Variants in COL4A4 observed in about 807,000 individuals in gnomAD.
COL4A4 encodes collagen alpha-4(IV) chain.
Under a neutral mutation model 192.9 loss-of-function variants are expected in COL4A4, and 105 were observed. The observed-to-expected ratio is 0.54, with a 90% CI of 0.46 to 0.64. The LOEUF (loss-of-function observed/expected upper bound fraction) is 0.64, where lower values mean the gene tolerates loss of function less well. COL4A4 is among the 30% of genes least tolerant of loss of function. The probability of loss-of-function intolerance (pLI) is 0.00; values close to 1 mark genes in which losing one functional copy is unlikely to be tolerated. For missense variants in COL4A4, 1,967 were observed against 2,169.3 expected, an observed-to-expected ratio of 0.91 and a Z score of 1.85; for synonymous variants, 762 against 769.9, an observed-to-expected ratio of 0.99 and a Z score of 0.17.
intron 12 of COL4A4, among the ~76,000 whole-genome samples, chr2:227,105,789 T>C (rs2060804799): frequency 6.6e-6 from 1 of 152,218 alleles, no homozygotes; most frequent in Non-Finnish European, 1.5e-5. Context: ...AGGCCCTTAC[T>C]GGCTCTGTCA....
chr2:227,061,279 C>G (rs1383629852), intron 26 of COL4A4, among the ~76,000 whole-genome samples: 1 of 152,250 alleles, frequency 6.6e-6, no homozygotes, highest in African/African-American at 2.4e-5. Context: ...TATTTCCGCA[C>G]TCTTGCCATT....
Position 227,148,437 on chromosome 2 carries a change from G to A in COL4A4, c.-101-853C>T, listed in dbSNP as rs910058474. On this transcript the variant is annotated intron_variant, in intron 1 of 47. Coordinates refer to ENST00000396625, the MANE Select transcript of COL4A4 (RefSeq NM_000092.5). ...CTATGTATATAAAAAGTCCAGAATA[G>A]GAAATCCATACAGATAGATAGGCAA... 1.1e-4 allele frequency among the ~76,000 whole-genome samples: 17 copies of A among 152,280 alleles called. 1 individual carries two copies. Among genetic ancestry groups the A allele is most frequent in the Admixed American group, 7.2e-4 (11 of 15,294 alleles).
chr2:227,143,589 A>G (rs2063359977), intron 3 of COL4A4, among the ~76,000 whole-genome samples: 1 of 152,236 alleles, frequency 6.6e-6, no homozygotes, highest in South Asian at 2.1e-4. Flanking sequence ...TTTTAAAAAA[A>G]GTAAAATCTA....
Position 227,111,514 on chromosome 2 carries a change from C to A in COL4A4, c.594+164G>T, listed in dbSNP as rs4306711. ...GGCCCCATGCTTCATGTTCTGTGGT[C>A]GCCATCTTGAAATGCTTAATAATTT... On this transcript the variant is annotated intron_variant, in intron 9 of 47. Coordinates refer to ENST00000396625, the MANE Select transcript of COL4A4 (RefSeq NM_000092.5). Among the ~76,000 whole-genome samples the A allele has an allele frequency of 0.19, 28,752 of 151,920 alleles. 4,279 individuals carry two copies. Among genetic ancestry groups the A allele is most frequent in the African/African-American group, 0.41 (16,812 of 41,318 alleles).
intron 25 of COL4A4, among the ~76,000 whole-genome samples, chr2:227,072,252 C>T (rs538862396): frequency 6.6e-6 from 1 of 151,898 alleles, no homozygotes; most frequent in African/African-American, 2.4e-5. Context: ...TACAAAAGAC[C>T]ATTCAAGACT....
chr2:226,990,743 G>A, the COL4A4 span, among the ~76,000 whole-genome samples: 1 of 152,126 alleles, frequency 6.6e-6, no homozygotes, highest in South Asian at 2.1e-4. Context: ...CTTACTACTG[G>A]TGCTGTAATT....
chr2:227,103,208 C>A lies in COL4A4; in HGVS notation c.817-11G>T. ...AATTCCTTTTATACCCTAAAAATTACAATGAATATAATTTGGTCTATTCTT... is the reference window on the plus strand; with the variant it reads ...AATTCCTTTTATACCCTAAAAATTAAAATGAATATAATTTGGTCTATTCTT... On this transcript the variant is annotated splice_polypyrimidine_tract_variant and intron_variant, in intron 13 of 47. Transcript: ENST00000396625. 4 of 1,604,538 alleles carry A rather than the reference C, an allele frequency of 2.5e-6. No individual in the cohort carries two copies. The highest frequency in any genetic ancestry group is 3.4e-6 in the Non-Finnish European group (4 of 1,172,270).
chr2:227,061,994 C>T (rs1977174952), intron 26 of COL4A4, among the ~76,000 whole-genome samples: 1 of 152,138 alleles, frequency 6.6e-6, no homozygotes, highest in South Asian at 2.1e-4. Flanking sequence ...AATCCCAGCA[C>T]TTTGGGAGGC....
chr2:227,109,121 T>C, intron 10 of COL4A4, 103 bp downstream of exon 10: 1 of 1,115,784 alleles, frequency 9.0e-7, no homozygotes, highest in South Asian at 1.2e-5. Context: ...TTATAATCTC[T>C]CAAACGGCCC....
At chr2:227,021,059 G>A (rs960185672) in intron 44 of COL4A4, among the ~76,000 whole-genome samples, 1 of 151,792 alleles carries the variant, frequency 6.6e-6, no homozygotes, top group Non-Finnish European at 1.5e-5. Context: ...AAGAGACAAG[G>A]TCTCACCATG....
At chr2:227,053,318 T>C (rs1395110313) in intron 31 of COL4A4, among the ~76,000 whole-genome samples, 1 of 152,004 alleles carries the variant, frequency 6.6e-6, no homozygotes. Flanking sequence ...TAATTTTAAT[T>C]CAATATGAGG....
chr2:226,972,092 C>T, the COL4A4 span, among the ~76,000 whole-genome samples: 1 of 152,026 alleles, frequency 6.6e-6, no homozygotes, highest in Admixed American at 6.6e-5. Flanking sequence ...CCCTAACTCC[C>T]AACAGGCCTT....
At chr2:226,972,728 C>G in the COL4A4 span, among the ~76,000 whole-genome samples, 3 of 152,188 alleles carry the variant, frequency 2.0e-5, no homozygotes, top group African/African-American at 7.2e-5. Flanking sequence ...AGACTGGTCT[C>G]TCGAGTCCAG....
intron 1 of COL4A4, among the ~76,000 whole-genome samples, chr2:227,161,285 G>A (rs2064813507): frequency 6.6e-6 from 1 of 152,220 alleles, no homozygotes; most frequent in Admixed American, 6.5e-5. Flanking sequence ...TATTTAAACA[G>A]TGTGTAGAAA....
rs1212308413 is a variant in COL4A4 at position 227,045,907 on chromosome 2, ATATG to A, written c.3289+1564_3289+1567del. On this transcript the variant is annotated intron_variant, in intron 35 of 47. Transcript: ENST00000396625. ...ATGTATATATATTTAGATAGTATATATATGTATGTATATGTATATGTATATATGT... is the reference window on the plus strand; with the variant it reads ...ATGTATATATATTTAGATAGTATATATATGTATATGTATATGTATATATGT... Among the ~76,000 whole-genome samples, 477 of 89,058 alleles carry A rather than the reference ATATG, an allele frequency of 5.4e-3. 121 individuals carry two copies. The highest frequency in any genetic ancestry group is 0.01 in the Middle Eastern group (2 of 196). 58.4% of individuals were successfully genotyped at this position (89,058 alleles called of 152,430 possible).
the COL4A4 span, among the ~76,000 whole-genome samples, chr2:226,989,618 G>A: frequency 2.6e-5 from 4 of 152,060 alleles, no homozygotes; most frequent in Non-Finnish European, 4.4e-5. Context: ...TCTTTTTTTG[G>A]GAGGTGGGGG....
intron 9 of COL4A4, among the ~76,000 whole-genome samples, chr2:227,109,982 T>G (rs1364566145): frequency 6.6e-6 from 1 of 152,222 alleles, no homozygotes; most frequent in Admixed American, 6.5e-5. Context: ...CATTATATAT[T>G]AATGTATTTA....
chr2:227,148,199 A>G lies in COL4A4; in HGVS notation c.-101-615T>C, dbSNP rs192172044. On this transcript the variant is annotated intron_variant, in intron 1 of 47. Transcript: ENST00000396625. Reference sequence around the variant, plus strand: ...AACACATGTTCACACATAAACTTGCACATGAATATTCATGGAAGCATATTC... The same window carrying G: ...AACACATGTTCACACATAAACTTGCGCATGAATATTCATGGAAGCATATTC... 1.4e-4 allele frequency among the ~76,000 whole-genome samples: 21 copies of G among 152,378 alleles called. No individual in the cohort carries two copies. The East Asian group carries it at 3.9e-3, about 28-fold the overall frequency.
chr2:227,022,580 C>T (rs375188893), intron 43 of COL4A4: 6 of 536,062 alleles, frequency 1.1e-5, no homozygotes, highest in African/African-American at 9.6e-5. Flanking sequence ...TAAAGCTCAG[C>T]TTCATGTGTC....
Sources: allele counts gnomAD v4.1 joint callset (sites outside exome capture counted in the v4.1 genomes callset), GRCh38; gene constraint gnomAD v4.1.1; transcripts MANE v1.5; gene names NCBI Gene and HGNC (gene_info 2026-07-23, HGNC 2026-07-21).